C12orf50: variants seen among roughly 807,000 people sequenced by gnomAD.
The protein encoded by C12orf50 is zinc finger CCCH-type containing 11D, also known as uncharacterized protein C12orf50.
Under a neutral mutation model 61.6 loss-of-function variants are expected in C12orf50, and 35 were observed. The observed-to-expected ratio is 0.57, with a 90% CI of 0.43 to 0.75. C12orf50 has a LOEUF of 0.75. C12orf50 is among the 30% of genes least tolerant of loss of function. The pLI is 0.00. For missense variants in C12orf50, 475 were observed against 488.5 expected, an observed-to-expected ratio of 0.97 and a Z score of 0.26; for synonymous variants, 178 against 161.5, an observed-to-expected ratio of 1.10 and a Z score of -0.77.
At chr12:88,009,956 G>A (rs1052256290) in intron 3 of C12orf50, among the ~76,000 whole-genome samples, 4 of 151,816 alleles carry the variant, frequency 2.6e-5, no homozygotes, top group Non-Finnish European at 4.4e-5. Flanking sequence ...TTTACATTTT[G>A]ATCAATAATT....
chr12:87,997,072 C>G (rs748970982), intron 4 of C12orf50, among the ~76,000 whole-genome samples: 5 of 152,114 alleles, frequency 3.3e-5, no homozygotes, highest in Non-Finnish European at 7.4e-5. Context: ...AGTTTTTCTT[C>G]ATGTTTATCT....
chr12:87,985,689 G>C, intron 11 of C12orf50, 161 bp downstream of exon 11: 2 of 690,090 alleles, frequency 2.9e-6, no homozygotes, highest in Non-Finnish European at 5.1e-6. Flanking sequence ...TCATGTGCAG[G>C]ACTGCACATG....
At chr12:88,004,418 G>GA (rs1283545364) in intron 3 of C12orf50, among the ~76,000 whole-genome samples, 2 of 152,124 alleles carry the variant, frequency 1.3e-5, no homozygotes, top group African/African-American at 4.8e-5. Flanking sequence ...CAAGGCTGCA[G>GA]AAAAAAAGGA....
Position 88,022,950 on chromosome 12 carries a change from G to A in C12orf50, c.133+3538C>T, listed in dbSNP as rs180798182. Among the ~76,000 whole-genome samples, 256 of 152,082 alleles carry A rather than the reference G, an allele frequency of 1.7e-3. 1 individual carries two copies. Among genetic ancestry groups the A allele is most frequent in the African/African-American group, 6.0e-3 (247 of 41,496 alleles). ...GATGCCCAAAGAAATTCACAGATTCGAAGTTATTTCTATCAAACTACCAAT... is the reference window on the plus strand; with the variant it reads ...GATGCCCAAAGAAATTCACAGATTCAAAGTTATTTCTATCAAACTACCAAT... On this transcript the variant is annotated intron_variant, in intron 3 of 12. Coordinates refer to ENST00000298699, the MANE Select transcript of C12orf50 (RefSeq NM_152589.3).
chr12:87,985,742 G>T, intron 11 of C12orf50, 108 bp downstream of exon 11: 1 of 1,068,410 alleles, frequency 9.4e-7, no homozygotes. Context: ...GATGGCCAGG[G>T]TAAAGAAGAG....
Position 87,997,316 on chromosome 12 carries a change from CT to C in C12orf50, c.290-671del, listed in dbSNP as rs199653166. On this transcript the variant is annotated intron_variant, in intron 4 of 12. Transcript: ENST00000298699. ...ATACATATGTAGATAAACAGATACA[CT>C]TGTGCATCAATGTTTTAGAAACATA... Among the ~76,000 whole-genome samples, 3 of 152,138 alleles carry C rather than the reference CT, an allele frequency of 2.0e-5. No homozygotes were observed. The East Asian group carries it at 5.8e-4, about 29-fold the overall frequency.
chr12:87,995,272 C>G lies in C12orf50; in HGVS notation c.482-529G>C, dbSNP rs919030778. 3.3e-5 allele frequency among the ~76,000 whole-genome samples: 5 copies of G among 151,548 alleles called. No homozygotes were observed. In the East Asian group the frequency reaches 7.7e-4, roughly 23 times the overall value. ...GTGTGATTCTGGATTGGATCCTAGA[C>G]TAGGGGAAAAAATTTATTTTACTAT... On this transcript the variant is annotated intron_variant, in intron 6 of 12. Transcript: ENST00000298699.
At chr12:88,006,163 A>G (rs1221853977) in intron 3 of C12orf50, among the ~76,000 whole-genome samples, 2 of 151,944 alleles carry the variant, frequency 1.3e-5, no homozygotes, top group Admixed American at 6.6e-5. Flanking sequence ...TGATCCGCCC[A>G]CATCGGCCTC....
chr12:87,982,798 CAAA>C (rs35641230), intron 12 of C12orf50, among the ~76,000 whole-genome samples: 1 of 113,856 alleles, frequency 8.8e-6, no homozygotes, highest in Non-Finnish European at 1.9e-5. Context: ...CGCAGCACAG[CAAA>C]AAAAAAAAAA....
chr12:88,028,643 C>G (rs527567612), intron 1 of C12orf50, among the ~76,000 whole-genome samples: 5 of 151,958 alleles, frequency 3.3e-5, no homozygotes, highest in African/African-American at 1.2e-4. Context: ...AATAGGAAAA[C>G]AGATTTATTA....
At chr12:87,994,539 G>T in intron 7 of C12orf50, 94 bp downstream of exon 7, 2 of 967,868 alleles carry the variant, frequency 2.1e-6, no homozygotes, top group Non-Finnish European at 3.1e-6. Context: ...ACATGACATG[G>T]ACAAAAAAAG....
Position 87,986,293 on chromosome 12 carries a change from A to G in C12orf50, c.922+19T>C. ...TTTAAAATTACAATTTAGAAATATC[A>G]AATATATAGACACCTTACCTCTCTG... On this transcript the variant is annotated intron_variant, in intron 10 of 12. Transcript: ENST00000298699. 2.0e-6 allele frequency: 3 copies of G among 1,496,394 alleles called. No homozygotes were observed. The highest frequency in any genetic ancestry group is 2.7e-6 in the Non-Finnish European group (3 of 1,101,776). The allele number at this position is 1,496,394 out of a possible 1,614,324, so 92.7% of individuals were successfully genotyped here.
intron 3 of C12orf50, among the ~76,000 whole-genome samples, chr12:88,014,578 C>T (rs137963313): frequency 0.079 from 12,088 of 152,258 alleles, 512 homozygotes; most frequent in Non-Finnish European, 0.087. Context: ...GGATTGCAGG[C>T]GTGAGCCACC....
chr12:88,018,751 G>T (rs1034729590), intron 3 of C12orf50, among the ~76,000 whole-genome samples: 2 of 152,186 alleles, frequency 1.3e-5, no homozygotes, highest in Non-Finnish European at 2.9e-5. Context: ...GTGAGACCTG[G>T]AGTCAAAGGA....
chr12:87,985,318 C>A (rs1383571826), intron 11 of C12orf50: 1 of 152,658 alleles, frequency 6.6e-6, no homozygotes, highest in East Asian at 1.9e-4. Context: ...TCCCCTGTAA[C>A]CTTGTACTTC....
At chr12:87,998,468 A>AAT (rs962565069) in intron 3 of C12orf50, among the ~76,000 whole-genome samples, 4 of 152,094 alleles carry the variant, frequency 2.6e-5, no homozygotes, top group African/African-American at 9.7e-5. Context: ...AGATTCTGAA[A>AAT]ATATATATAT....
intron 3 of C12orf50, among the ~76,000 whole-genome samples, chr12:88,014,078 T>A (rs1431228871): frequency 6.6e-6 from 1 of 152,118 alleles, no homozygotes; most frequent in Non-Finnish European, 1.5e-5. Flanking sequence ...CTCACTCTAA[T>A]ACTGTAAATT....
At position 87,996,389 on chromosome 12, in the gene C12orf50, T is replaced by A. The variant is rs151338928; in HGVS notation, c.466A>T (p.Ser156Cys). The A allele has an allele frequency of 1.3e-5, 21 of 1,609,694 alleles. No homozygotes were observed. The highest frequency in any genetic ancestry group is 1.6e-5 in the Non-Finnish European group (19 of 1,176,426). Reference protein sequence around the residue: ...KQLEKPLENGSELQEGDSLTV... With the variant: ...KQLEKPLENGCELQEGDSLTV... ...CATTTCTTACCTTCTTGCAATTCAC[T>A]GCCATTTTCCAAAGGCTTTTCTAAC... The change falls in exon 6 of 13, where the codon AGT becomes TGT. Residue 156 changes from serine (S) to cysteine (C), a missense_variant. Physicochemically the swap from Ser to Cys is moderately radical, Grantham distance 112 (BLOSUM62 -1). Transcript: ENST00000298699.
At chr12:87,990,591 A>G (rs1421029393) in intron 7 of C12orf50, among the ~76,000 whole-genome samples, 1 of 152,160 alleles carries the variant, frequency 6.6e-6, no homozygotes, top group Non-Finnish European at 1.5e-5. Context: ...CAATGGAAGG[A>G]CACAAAGTCA....
Sources: allele counts gnomAD v4.1 joint callset (sites outside exome capture counted in the v4.1 genomes callset), GRCh38; gene constraint gnomAD v4.1.1; transcripts MANE v1.5; gene names NCBI Gene and HGNC (gene_info 2026-07-23, HGNC 2026-07-21).